PCDHA5: variants seen among roughly 807,000 people sequenced by gnomAD.
PCDHA5 encodes protocadherin alpha-5.
Under a neutral mutation model 61.6 loss-of-function variants are expected in PCDHA5, and 43 were observed. That is an observed-to-expected ratio of 0.70 (90% CI 0.55 to 0.90). The LOEUF is 0.90. Among genes scored for constraint, PCDHA5 ranks in the 40% least tolerant of loss-of-function variants. The probability of loss-of-function intolerance (pLI) is 0.00; values close to 1 mark genes in which losing one functional copy is unlikely to be tolerated. For synonymous variants in PCDHA5, 627 were observed against 543.9 expected, an observed-to-expected ratio of 1.15 and a Z score of -2.13; for missense variants, 1,298 against 1,222.7, an observed-to-expected ratio of 1.06 and a Z score of -0.92.
intron 1 of PCDHA5, among the ~76,000 whole-genome samples, chr5:140,904,446 T>C (rs34807894): frequency 0.32 from 47,642 of 151,146 alleles, 7,868 homozygotes; most frequent in East Asian, 0.52. Context: ...TATTACAATT[T>C]CTTTATACAC....
intron 1 of PCDHA5, among the ~76,000 whole-genome samples, chr5:140,846,666 G>A (rs1419138961): frequency 6.7e-6 from 1 of 149,080 alleles, no homozygotes; most frequent in Non-Finnish European, 1.5e-5. Flanking sequence ...GAGCCACCGC[G>A]CCCAGCCTAA....
intron 1 of PCDHA5, chr5:140,843,336 G>A (rs2150357721): frequency 6.3e-7 from 1 of 1,596,074 alleles, no homozygotes; most frequent in South Asian, 1.1e-5. Context: ...CTGGTGGAGA[G>A]CGGCCAGGCT....
At position 140,848,645 on chromosome 5, in the gene PCDHA5, G is replaced by T; in HGVS notation, c.2352+24518G>T. 1.9e-6 allele frequency: 3 copies of T among 1,593,204 alleles called. 1 individual carries two copies. The highest frequency in any genetic ancestry group is 2.6e-6 in the Non-Finnish European group (3 of 1,163,878). Reference sequence around the variant, plus strand: ...GCACCTTCGTGGGCCGCATCGCGCAGGACCTGGGGCTGGAGCTGGCGGAGC... The same window carrying T: ...GCACCTTCGTGGGCCGCATCGCGCATGACCTGGGGCTGGAGCTGGCGGAGC... On this transcript the variant is annotated intron_variant, in intron 1 of 3. Coordinates refer to ENST00000529859, the MANE Select transcript of PCDHA5 (RefSeq NM_018908.3).
chr5:140,931,188 G>A (rs782167226), intron 1 of PCDHA5, among the ~76,000 whole-genome samples: 1 of 152,126 alleles, frequency 6.6e-6, no homozygotes, highest in South Asian at 2.1e-4. Flanking sequence ...GGAAATTGGT[G>A]CACTACAATG....
At position 140,822,354 on chromosome 5, in the gene PCDHA5, G is replaced by T; in HGVS notation, c.579G>T (p.Leu193=). 1 of 1,614,096 alleles carries T rather than the reference G, an allele frequency of 6.2e-7. No homozygotes were observed. Among genetic ancestry groups the T allele is most frequent in the Non-Finnish European group, 8.5e-7 (1 of 1,179,988 alleles). Reference sequence around the variant, plus strand: ...AAGAAGAAACGAACTTTTTAGAGCTGGTTTTGAGGAAATCCTTAGATAGAG... The same window carrying T: ...AAGAAGAAACGAACTTTTTAGAGCTTGTTTTGAGGAAATCCTTAGATAGAG... ...TNEEETNFLE[L]VLRKSLDREE... Residue 193 remains leucine, a synonymous_variant, in exon 1 of 4, where the codon CTG becomes CTT. Transcript: ENST00000529859.
Position 140,912,620 on chromosome 5 carries a change from G to A in PCDHA5, c.2353-66329G>A, listed in dbSNP as rs149952916. Among the ~76,000 whole-genome samples the A allele has an allele frequency of 2.6e-3, 391 of 152,154 alleles. 2 individuals carry two copies. The highest frequency in any genetic ancestry group is 9.2e-3 in the African/African-American group (380 of 41,510). ...TTTCTTCCTCTTGTCTGATTACTCT[G>A]GATGAGACTTTCAGTACTATGTTGA... On this transcript the variant is annotated intron_variant, in intron 1 of 3. Coordinates refer to ENST00000529859, the MANE Select transcript of PCDHA5 (RefSeq NM_018908.3).
intron 1 of PCDHA5, chr5:140,848,197 A>G: frequency 3.2e-6 from 1 of 310,898 alleles, no homozygotes; most frequent in Middle Eastern, 9.7e-4. Flanking sequence ...TTCTGTTTCA[A>G]CAATCATTAC....
At chr5:140,956,190 T>A (rs1441772845) in intron 1 of PCDHA5, among the ~76,000 whole-genome samples, 1 of 152,208 alleles carries the variant, frequency 6.6e-6, no homozygotes, top group Non-Finnish European at 1.5e-5. Flanking sequence ...CTATGCTGAA[T>A]AGGAGTGGTG....
At chr5:140,836,658 T>C (rs2150267080) in intron 1 of PCDHA5, 1 of 1,613,298 alleles carries the variant, frequency 6.2e-7, no homozygotes, top group South Asian at 1.1e-5. Flanking sequence ...GCAGAGGGTG[T>C]GCTCTGGGGA....
chr5:140,851,802 T>G (rs1303108162), intron 1 of PCDHA5: 1 of 945,220 alleles, frequency 1.1e-6, no homozygotes, highest in Admixed American at 6.3e-5. Flanking sequence ...GTTCTGTCAG[T>G]AATCCATAAG....
intron 1 of PCDHA5, among the ~76,000 whole-genome samples, chr5:140,840,943 A>G (rs1442704094): frequency 1.3e-5 from 2 of 152,054 alleles, no homozygotes; most frequent in Non-Finnish European, 2.9e-5. Flanking sequence ...TATTTGAAAT[A>G]TTGGGAAGAA....
intron 1 of PCDHA5, chr5:140,847,658 T>C (rs1554141863): frequency 6.7e-6 from 1 of 149,650 alleles, no homozygotes; most frequent in East Asian, 1.9e-4. Context: ...TATTCATAGA[T>C]TATAAAGCTT....
chr5:140,881,443 G>T (rs1554172114), intron 1 of PCDHA5: 1 of 818,602 alleles, frequency 1.2e-6, no homozygotes, highest in Non-Finnish European at 1.5e-6. Flanking sequence ...TATAAAAACA[G>T]AATCCAAAAC....
chr5:140,824,610 G>GTTGTTTTTTTTTT (rs1768193318), intron 1 of PCDHA5: 13 of 95,104 alleles, frequency 1.4e-4, no homozygotes, highest in African/African-American at 5.8e-4. Context: ...GCTAATTAAA[G>GTTGTTTTTTTTTT]TTTTTTTTTT....
chr5:140,829,466 G>T lies in PCDHA5; in HGVS notation c.2352+5339G>T, dbSNP rs2150168443. The T allele has an allele frequency of 1.9e-6, 3 of 1,613,882 alleles. No homozygotes were observed. The South Asian group carries it at 3.3e-5, about 18-fold the overall frequency. ...CAATGCTCCGGCGTTCGCGCAGCCC[G>T]AGTACACAGTGTTCGTGAAGGAGAA... On this transcript the variant is annotated intron_variant, in intron 1 of 3. Coordinates refer to ENST00000529859, the MANE Select transcript of PCDHA5 (RefSeq NM_018908.3).
In PCDHA5 at chr5:140,836,932, C is replaced by A. The variant is rs1774821723; in HGVS notation, c.2352+12805C>A. ...CACTTTTGTTTTGGGATGCGTAATA[C>A]TATAGATCAAAATCTATGGTTTATG... On this transcript the variant is annotated intron_variant, in intron 1 of 3. Coordinates refer to ENST00000529859, the MANE Select transcript of PCDHA5 (RefSeq NM_018908.3). The A allele has an allele frequency of 8.2e-6, 4 of 485,222 alleles. No homozygotes were observed. In the East Asian group the frequency reaches 1.4e-4, roughly 17 times the overall value. 30.1% of individuals were successfully genotyped at this position (485,222 alleles called of 1,614,324 possible). A position where few individuals can be genotyped will look rare whatever the true frequency, so the allele number is the denominator to read the frequency against.
chr5:140,836,197 C>A (rs2150255199), intron 1 of PCDHA5: 1 of 1,613,818 alleles, frequency 6.2e-7, no homozygotes. Context: ...GGCTACAACG[C>A]GTGGCTTTCG....
Position 140,870,063 on chromosome 5 carries a change from G to A in PCDHA5, c.2352+45936G>A. ...ACAAGTTTTATAAAATTGAAGTACA[G>A]GCTACAGATAAGGGGACTCCCCCAA... On this transcript the variant is annotated intron_variant, in intron 1 of 3. Transcript: ENST00000529859. 1.9e-6 allele frequency: 3 copies of A among 1,613,854 alleles called. No homozygotes were observed. The East Asian group carries it at 6.7e-5, about 36-fold the overall frequency.
chr5:140,979,094 T>G, intron 2 of PCDHA5, 87 bp downstream of exon 2: 3 of 1,551,990 alleles, frequency 1.9e-6, no homozygotes, highest in Non-Finnish European at 2.6e-6. Context: ...CAGAAGCAGC[T>G]GTCAAAACTA....
Sources: gnomAD v4.1 joint callset for allele counts (sites outside exome capture counted in the v4.1 genomes callset) on GRCh38, gnomAD v4.1.1 for gene constraint, MANE v1.5 for transcripts, NCBI Gene and HGNC (gene_info 2026-07-23, HGNC 2026-07-21) for gene names.